Variants in RETREG1 observed in about 807,000 individuals in gnomAD.
RETREG1 encodes reticulophagy regulator 1, also known as family with sequence similarity 134 member B.
Under a neutral mutation model 54.8 loss-of-function variants are expected in RETREG1, and 44 were observed. That is an observed-to-expected ratio of 0.80 (90% CI 0.63 to 1.03). The LOEUF (loss-of-function observed/expected upper bound fraction) is 1.03, where lower values mean the gene tolerates loss of function less well. RETREG1 is among the 50% of genes least tolerant of loss of function. The pLI is 0.00. For missense variants in RETREG1, 554 were observed against 605.1 expected (o/e 0.92, Z 0.89); for synonymous variants, 217 against 238.5 (o/e 0.91, Z 0.83).
chr5:16,525,125 G>C (rs1240893555), intron 3 of RETREG1, among the ~76,000 whole-genome samples: 1 of 127,572 alleles, frequency 7.8e-6, no homozygotes, highest in Non-Finnish European at 1.7e-5. Flanking sequence ...GATGTGCGTG[G>C]GGGACACTGT....
At chr5:16,541,548 A>G (rs140960374) in intron 3 of RETREG1, among the ~76,000 whole-genome samples, 5,050 of 152,164 alleles carry the variant, frequency 0.033, 260 homozygotes, top group African/African-American at 0.11. Context: ...TTAGCTGGGC[A>G]TGGTGGCAGG....
intron 3 of RETREG1, among the ~76,000 whole-genome samples, chr5:16,500,002 G>A (rs1282965140): frequency 6.6e-6 from 1 of 152,108 alleles, no homozygotes; most frequent in Non-Finnish European, 1.5e-5. Flanking sequence ...TTACACCTAG[G>A]GCAGGCCAAC....
At chr5:16,590,145 C>G (rs1742724237) in intron 1 of RETREG1, among the ~76,000 whole-genome samples, 1 of 152,174 alleles carries the variant, frequency 6.6e-6, no homozygotes, top group African/African-American at 2.4e-5. Context: ...TTTTTGACAG[C>G]TTTCAATTCT....
At chr5:16,610,968 G>A (rs1248185719) in intron 1 of RETREG1, among the ~76,000 whole-genome samples, 1 of 152,156 alleles carries the variant, frequency 6.6e-6, no homozygotes, top group Non-Finnish European at 1.5e-5. Context: ...TATGTTTATT[G>A]CGGCACTATT....
intron 3 of RETREG1, among the ~76,000 whole-genome samples, chr5:16,556,687 TC>T (rs1253195341): frequency 2.0e-5 from 3 of 152,152 alleles, no homozygotes; most frequent in African/African-American, 7.2e-5. Flanking sequence ...AAATCCTGGA[TC>T]CCCTAGTTTC....
At chr5:16,600,192 G>T (rs139621988) in intron 1 of RETREG1, among the ~76,000 whole-genome samples, 18,325 of 152,244 alleles carry the variant, frequency 0.12, 1,493 homozygotes, top group Non-Finnish European at 0.17. Flanking sequence ...GTAGAGACAG[G>T]GTTTCGCCAT....
intron 3 of RETREG1, among the ~76,000 whole-genome samples, chr5:16,518,125 T>C (rs978707716): frequency 3.4e-5 from 5 of 148,178 alleles, no homozygotes; most frequent in Non-Finnish European, 7.4e-5. Context: ...TACATATAAT[T>C]GTATATATTT....
chr5:16,483,498 A>G, intron 3 of RETREG1, 26 bp from the exon 4 acceptor site: 2 of 1,610,944 alleles, frequency 1.2e-6, no homozygotes, highest in Non-Finnish European at 8.5e-7. Flanking sequence ...GAAAAAAAAT[A>G]CTACTGAACT....
chr5:16,575,664 A>G (rs1444343557), intron 1 of RETREG1, among the ~76,000 whole-genome samples: 1 of 152,256 alleles, frequency 6.6e-6, no homozygotes, highest in Admixed American at 6.5e-5. Flanking sequence ...TGTCCTGGGC[A>G]AGGGCCCAGT....
At chr5:16,511,249 C>G (rs1241950075) in intron 3 of RETREG1, among the ~76,000 whole-genome samples, 2 of 152,148 alleles carry the variant, frequency 1.3e-5, no homozygotes, top group Non-Finnish European at 2.9e-5. Context: ...GTGGGGTACT[C>G]TCTTATGAAG....
At chr5:16,476,590 G>C (rs1336960441) in intron 8 of RETREG1, among the ~76,000 whole-genome samples, 2 of 152,288 alleles carry the variant, frequency 1.3e-5, no homozygotes, top group Middle Eastern at 6.8e-3. Context: ...ACGAGATCAT[G>C]TCCTTTGCAA....
At chr5:16,578,849 GCAGA>G (rs1401543007) in intron 1 of RETREG1, among the ~76,000 whole-genome samples, 1 of 152,214 alleles carries the variant, frequency 6.6e-6, no homozygotes, top group Non-Finnish European at 1.5e-5. Flanking sequence ...AGCCAGGAAA[GCAGA>G]CAGGTAAACA....
intron 3 of RETREG1, among the ~76,000 whole-genome samples, chr5:16,536,835 T>C (rs1235748388): frequency 1.3e-5 from 2 of 152,178 alleles, no homozygotes; most frequent in Non-Finnish European, 2.9e-5. Flanking sequence ...TAAAAGGATG[T>C]TTTTCCAACA....
chr5:16,498,422 A>T (rs78083963), intron 3 of RETREG1, among the ~76,000 whole-genome samples: 2,859 of 152,334 alleles, frequency 0.019, 103 homozygotes, highest in African/African-American at 0.065. Context: ...AAAGATTTTT[A>T]AAAAATGGGG....
intron 1 of RETREG1, among the ~76,000 whole-genome samples, chr5:16,602,602 A>C (rs1393593725): frequency 6.6e-6 from 1 of 152,182 alleles, no homozygotes; most frequent in Non-Finnish European, 1.5e-5. Context: ...GCTTTAACCC[A>C]AACTTCTGAT....
At chr5:16,523,185 C>A (rs1299620241) in intron 3 of RETREG1, among the ~76,000 whole-genome samples, 1 of 152,162 alleles carries the variant, frequency 6.6e-6, no homozygotes, top group Non-Finnish European at 1.5e-5. Context: ...GAAACTACAA[C>A]CCATCGGTAC....
At position 16,585,078 on chromosome 5, in the gene RETREG1, T is replaced by C. The variant is rs1742593209; in HGVS notation, c.321-12976A>G. 4.6e-5 allele frequency among the ~76,000 whole-genome samples: 7 copies of C among 152,176 alleles called. 1 individual carries two copies. In the South Asian group the frequency reaches 1.2e-3, roughly 27 times the overall value. ...GAGGGTGGTAGGTAATAGACTCCTT[T>C]CTCTAAAGAGATGAGAAATTCTGGA... On this transcript the variant is annotated intron_variant, in intron 1 of 8. Transcript: ENST00000306320. The surrounding 1 kb of genome is among the most constrained non-coding windows in gnomAD (Gnocchi z 4.5).
At chr5:16,491,569 GTAATAATTAGCA>G (rs1739248794) in intron 3 of RETREG1, among the ~76,000 whole-genome samples, 1 of 152,130 alleles carries the variant, frequency 6.6e-6, no homozygotes, top group East Asian at 1.9e-4. Flanking sequence ...TTACGTGTTG[GTAATAATTAGCA>G]TGCATTCCCT....
intron 3 of RETREG1, among the ~76,000 whole-genome samples, chr5:16,538,749 G>C (rs1219840776): frequency 4.0e-5 from 6 of 151,754 alleles, no homozygotes; most frequent in Non-Finnish European, 5.9e-5. Context: ...CTGTCGCCCA[G>C]GCTGGAGTGC....
Sources: allele counts gnomAD v4.1 joint callset (sites outside exome capture counted in the v4.1 genomes callset), GRCh38; gene constraint gnomAD v4.1.1; non-coding constraint Gnocchi (gnomAD v3.1); transcripts MANE v1.5; gene names NCBI Gene and HGNC (gene_info 2026-07-23, HGNC 2026-07-21).